Variants in EPHA5 observed in about 807,000 individuals in gnomAD.
EPHA5 encodes the protein ephrin type-A receptor 5.
A neutral mutation model predicts 105.0 loss-of-function variants in EPHA5; 60 were observed. That is an observed-to-expected ratio of 0.57 (90% CI 0.46 to 0.71). The LOEUF is 0.71. Ranked by LOEUF, EPHA5 falls within the 30% of genes least tolerant of loss-of-function variation. The pLI, the probability that EPHA5 is intolerant of heterozygous loss-of-function variation, is 0.00. For missense variants in EPHA5, 1,218 were observed against 1,274.7 expected, an observed-to-expected ratio of 0.96 and a Z score of 0.68; for synonymous variants, 513 against 449.1, an observed-to-expected ratio of 1.14 and a Z score of -1.80.
At position 65,585,448 on chromosome 4, in the gene EPHA5, G is replaced by GA. The variant is rs765281860; in HGVS notation, c.910+16192dup. Among the ~76,000 whole-genome samples the GA allele has an allele frequency of 2.5e-3, 359 of 146,466 alleles. 3 individuals carry two copies. The East Asian group carries it at 0.052, about 21-fold the overall frequency. On this transcript the variant is annotated intron_variant, in intron 3 of 16. Transcript: ENST00000613740. ...TCAGGATTCAATACTACTTTGGTGA[G>GA]AAAAAAAAAAATATTTACCAAGAGT...
intron 3 of EPHA5, among the ~76,000 whole-genome samples, chr4:65,552,191 A>G (rs1737986401): frequency 6.6e-6 from 1 of 152,198 alleles, no homozygotes; most frequent in Non-Finnish European, 1.5e-5. Flanking sequence ...GAATTACAGG[A>G]GCTGAGAATG....
chr4:65,344,820 G>A (rs2148832293), intron 14 of EPHA5, among the ~76,000 whole-genome samples: 1 of 152,200 alleles, frequency 6.6e-6, no homozygotes, highest in South Asian at 2.1e-4. Flanking sequence ...TCAATCCAGA[G>A]TAATCATATA....
chr4:65,487,075 G>C (rs1730950608), intron 5 of EPHA5, among the ~76,000 whole-genome samples: 1 of 152,102 alleles, frequency 6.6e-6, no homozygotes, highest in Admixed American at 6.5e-5. Flanking sequence ...AAGCCTCCTG[G>C]GGCCTCACAA....
intron 5 of EPHA5, among the ~76,000 whole-genome samples, chr4:65,423,059 T>A (rs1238566845): frequency 6.6e-6 from 1 of 152,054 alleles, no homozygotes; most frequent in East Asian, 1.9e-4. Context: ...CTTAGGCTCC[T>A]CTTGGTTATG....
chr4:65,460,943 G>T (rs1728064317), intron 5 of EPHA5, among the ~76,000 whole-genome samples: 1 of 151,684 alleles, frequency 6.6e-6, no homozygotes, highest in African/African-American at 2.4e-5. Flanking sequence ...ATTTAATGTG[G>T]TTAATCATCA....
chr4:65,654,032 T>A (rs1282605424), intron 1 of EPHA5, among the ~76,000 whole-genome samples: 2 of 152,080 alleles, frequency 1.3e-5, no homozygotes, highest in Non-Finnish European at 2.9e-5. Context: ...AAAGTTTTGT[T>A]GTTTAAACTA....
chr4:65,570,185 A>G (rs1739976997), intron 3 of EPHA5, among the ~76,000 whole-genome samples: 2 of 151,816 alleles, frequency 1.3e-5, no homozygotes, highest in South Asian at 2.1e-4. Flanking sequence ...ATAGAACTAT[A>G]CTCCTAACTA....
intron 2 of EPHA5, among the ~76,000 whole-genome samples, chr4:65,604,273 C>T (rs1744017206): frequency 6.6e-6 from 1 of 152,122 alleles, no homozygotes; most frequent in South Asian, 2.1e-4. Flanking sequence ...ATTAAAAATG[C>T]AAGCCAAGCA....
chr4:65,593,840 C>G (rs573524401), intron 3 of EPHA5, among the ~76,000 whole-genome samples: 3 of 152,152 alleles, frequency 2.0e-5, no homozygotes, highest in Non-Finnish European at 4.4e-5. Flanking sequence ...TTTCAGAGAT[C>G]AATTTTAATG....
At chr4:65,324,675 G>C (rs1719904680) in intron 16 of EPHA5, among the ~76,000 whole-genome samples, 2 of 149,494 alleles carry the variant, frequency 1.3e-5, no homozygotes, top group African/African-American at 4.9e-5. Flanking sequence ...ATTCTATACA[G>C]TAATTTTATA....
At chr4:65,613,011 A>G (rs1227943949) in intron 2 of EPHA5, among the ~76,000 whole-genome samples, 2 of 152,060 alleles carry the variant, frequency 1.3e-5, no homozygotes, top group Non-Finnish European at 2.9e-5. Context: ...GTTTCAGGTC[A>G]TACATTTAAA....
At chr4:65,534,884 T>C (rs1026226671) in intron 3 of EPHA5, among the ~76,000 whole-genome samples, 1 of 152,206 alleles carries the variant, frequency 6.6e-6, no homozygotes, top group Non-Finnish European at 1.5e-5. Flanking sequence ...CAGATAAACA[T>C]TTTTATTTTT....
intron 3 of EPHA5, among the ~76,000 whole-genome samples, chr4:65,533,608 A>AT (rs2149307114): frequency 6.6e-6 from 1 of 152,200 alleles, no homozygotes; most frequent in South Asian, 2.1e-4. Flanking sequence ...TGATCAAGAG[A>AT]TTTTTCCACC....
chr4:65,454,539 A>G (rs1162970202), intron 5 of EPHA5, among the ~76,000 whole-genome samples: 1 of 152,232 alleles, frequency 6.6e-6, no homozygotes, highest in Non-Finnish European at 1.5e-5. Flanking sequence ...TAGATTCAAC[A>G]GCTTCTAGAA....
chr4:65,381,948 C>T (rs996271199), intron 8 of EPHA5, among the ~76,000 whole-genome samples: 8 of 151,786 alleles, frequency 5.3e-5, no homozygotes, highest in Non-Finnish European at 1.0e-4. Context: ...CTTAAAAATA[C>T]TTGATGACCC....
At position 65,532,329 on chromosome 4, in the gene EPHA5, C is replaced by T. The variant is rs139836307; in HGVS notation, c.911-36786G>A. ...TTTCACACTTAACTATCGTCATTCT[C>T]TATTTGAAAGAAAATTATTTAAATA... On this transcript the variant is annotated intron_variant, in intron 3 of 16. Transcript: ENST00000613740. Among the ~76,000 whole-genome samples, 771 of 151,958 alleles carry T rather than the reference C, an allele frequency of 5.1e-3. 8 individuals carry two copies. The highest frequency in any genetic ancestry group is 0.018 in the African/African-American group (735 of 41,510).
At chr4:65,651,838 A>C (rs1748638164) in intron 1 of EPHA5, among the ~76,000 whole-genome samples, 1 of 152,094 alleles carries the variant, frequency 6.6e-6, no homozygotes, top group Non-Finnish European at 1.5e-5. Context: ...AAACCCAGGG[A>C]GATGGCAGAA....
At chr4:65,494,901 G>A (rs1263960207) in intron 4 of EPHA5, among the ~76,000 whole-genome samples, 2 of 151,982 alleles carry the variant, frequency 1.3e-5, no homozygotes, top group Non-Finnish European at 2.9e-5. Context: ...AGAACAAGAT[G>A]GTGAAGGCTC....
At chr4:65,558,588 A>G (rs986932807) in intron 3 of EPHA5, among the ~76,000 whole-genome samples, 2 of 152,054 alleles carry the variant, frequency 1.3e-5, no homozygotes, top group African/African-American at 4.8e-5. Context: ...ACATGTGCAC[A>G]ACGTGCAGGT....
Sources: gnomAD v4.1 joint callset for allele counts (sites outside exome capture counted in the v4.1 genomes callset) on GRCh38, gnomAD v4.1.1 for gene constraint, MANE v1.5 for transcripts, NCBI Gene and HGNC (gene_info 2026-07-23, HGNC 2026-07-21) for gene names.